The following AUTS2 variants were observed in gnomAD, a reference collection of about 807,000 sequenced individuals.
AUTS2 encodes activator of transcription and developmental regulator AUTS2.
AUTS2 carries 17 observed loss-of-function variants against 112.4 expected under a neutral mutation model. The ratio of observed to expected loss-of-function variants is 0.15; its 90% CI spans 0.10 to 0.23. AUTS2 has a LOEUF of 0.23. Ranked by LOEUF, AUTS2 falls within the 10% of genes least tolerant of loss-of-function variation. The pLI is 1.00. For missense variants in AUTS2, 1,510 were observed against 1,701.6 expected, an observed-to-expected ratio of 0.89 and a Z score of 1.98; for synonymous variants, 751 against 702.7, an observed-to-expected ratio of 1.07 and a Z score of -1.09.
intron 5 of AUTS2, among the ~76,000 whole-genome samples, chr7:70,503,910 T>G (rs1362006599): frequency 6.6e-6 from 1 of 151,584 alleles, no homozygotes; most frequent in Non-Finnish European, 1.5e-5. Flanking sequence ...AATGCAGCAT[T>G]ACTTTGGTTT....
At chr7:70,325,497 A>T (rs1488955776) in intron 4 of AUTS2, among the ~76,000 whole-genome samples, 1 of 152,248 alleles carries the variant, frequency 6.6e-6, no homozygotes, top group East Asian at 1.9e-4. Flanking sequence ...TGTCCTAGAT[A>T]TGGGCGTCAC....
chr7:69,786,872 AGT>A (rs997019447), intron 1 of AUTS2, among the ~76,000 whole-genome samples: 5 of 152,214 alleles, frequency 3.3e-5, no homozygotes, highest in African/African-American at 1.2e-4. Context: ...TACTACACTT[AGT>A]GTGTGTATTG....
intron 2 of AUTS2, among the ~76,000 whole-genome samples, chr7:69,916,697 C>T (rs1478285550): frequency 6.6e-6 from 1 of 152,176 alleles, no homozygotes; most frequent in Non-Finnish European, 1.5e-5. Flanking sequence ...CTCTTCCCCT[C>T]TTCCCCCCAT....
intron 5 of AUTS2, among the ~76,000 whole-genome samples, chr7:70,442,764 A>G (rs1239718808): frequency 2.0e-5 from 3 of 152,194 alleles, no homozygotes; most frequent in African/African-American, 7.2e-5. Flanking sequence ...TTGGGATGAC[A>G]GTCATGAGCC....
chr7:70,565,448 G>A (rs1801668878), intron 5 of AUTS2, among the ~76,000 whole-genome samples: 2 of 152,200 alleles, frequency 1.3e-5, no homozygotes, highest in Non-Finnish European at 2.9e-5. Context: ...GGAGGCCAAG[G>A]TGAGAGGATT....
At chr7:70,363,831 A>T (rs1792403751) in intron 4 of AUTS2, among the ~76,000 whole-genome samples, 1 of 151,790 alleles carries the variant, frequency 6.6e-6, no homozygotes, top group Non-Finnish European at 1.5e-5. Context: ...GCTTCTTTGA[A>T]CTCCTCCTTC....
chr7:70,336,745 A>C (rs1476610749), intron 4 of AUTS2, among the ~76,000 whole-genome samples: 1 of 151,952 alleles, frequency 6.6e-6, no homozygotes, highest in East Asian at 1.9e-4. Flanking sequence ...TGGCTTTTGC[A>C]GGGACGCTTG....
At chr7:70,211,403 A>C (rs1044986214) in intron 4 of AUTS2, among the ~76,000 whole-genome samples, 1 of 150,772 alleles carries the variant, frequency 6.6e-6, no homozygotes, top group Non-Finnish European at 1.5e-5. Flanking sequence ...TAATCCCAGC[A>C]CTTTGGGAGG....
chr7:70,373,614 T>C (rs1045266768), intron 4 of AUTS2, among the ~76,000 whole-genome samples: 2 of 152,204 alleles, frequency 1.3e-5, no homozygotes, highest in Non-Finnish European at 2.9e-5. Context: ...CGTGACTGCT[T>C]CTAGGCATGG....
At position 70,141,137 on chromosome 7, in the gene AUTS2, AG is replaced by A. The variant is rs562333184; in HGVS notation, c.660+6571del. ...AGAAAGGGTGGAACAAGTTTGAGGCAGGGGGAGCAACAAAGACAAGAATACA... is the reference window on the plus strand; with the variant it reads ...AGAAAGGGTGGAACAAGTTTGAGGCAGGGGAGCAACAAAGACAAGAATACA... On this transcript the variant is annotated intron_variant, in intron 4 of 18. Transcript: ENST00000342771. Among the ~76,000 whole-genome samples, 294 of 151,390 alleles carry A rather than the reference AG, an allele frequency of 1.9e-3. 2 individuals carry two copies. Among genetic ancestry groups the A allele is most frequent in the Middle Eastern group, 6.8e-3 (2 of 294 alleles).
At chr7:70,789,652 GTCC>G in intron 18 of AUTS2, 93 bp from the exon 19 acceptor site, 1 of 1,439,100 alleles carries the variant, frequency 6.9e-7, no homozygotes, top group Non-Finnish European at 9.5e-7. Context: ...CCCCCAGCCT[GTCC>G]TCTTCACACC....
At chr7:70,488,788 A>G in intron 5 of AUTS2, among the ~76,000 whole-genome samples, 1 of 152,174 alleles carries the variant, frequency 6.6e-6, no homozygotes, top group East Asian at 1.9e-4. Context: ...TCAGGGAAGA[A>G]GGAAGCACTG....
chr7:70,783,656 A>C (rs1208565238), intron 15 of AUTS2: 1 of 152,228 alleles, frequency 6.6e-6, no homozygotes, highest in African/African-American at 2.4e-5. Context: ...ATTCTGCCCA[A>C]AATAGTTATT....
chr7:70,309,266 T>C (rs537128503), intron 4 of AUTS2, among the ~76,000 whole-genome samples: 57 of 152,370 alleles, frequency 3.7e-4, no homozygotes, highest in South Asian at 2.3e-3. Context: ...CTCAGACTTC[T>C]AGGCCAGAGT....
At chr7:70,149,739 A>G (rs1807326324) in intron 4 of AUTS2, among the ~76,000 whole-genome samples, 1 of 152,090 alleles carries the variant, frequency 6.6e-6, no homozygotes, top group Admixed American at 6.5e-5. Flanking sequence ...GAAATGGTGT[A>G]ACTATCCAAT....
intron 1 of AUTS2, among the ~76,000 whole-genome samples, chr7:69,647,670 T>A (rs1795087411): frequency 6.6e-6 from 1 of 152,238 alleles, no homozygotes; most frequent in Non-Finnish European, 1.5e-5. Context: ...TCAGTGCCAC[T>A]CTTAATAGAA....
At chr7:69,650,064 G>A (rs546666268) in intron 1 of AUTS2, among the ~76,000 whole-genome samples, 2 of 152,304 alleles carry the variant, frequency 1.3e-5, no homozygotes, top group Admixed American at 1.3e-4. Context: ...AGAGCTATGG[G>A]AATGGGTAGG....
chr7:70,038,854 G>T (rs1050523083), intron 2 of AUTS2, among the ~76,000 whole-genome samples: 3 of 152,050 alleles, frequency 2.0e-5, no homozygotes, highest in Non-Finnish European at 4.4e-5. Context: ...TGCCTCCCGG[G>T]TTCAAACAAT....
intron 2 of AUTS2, among the ~76,000 whole-genome samples, chr7:69,968,754 C>T (rs1279488231): frequency 1.3e-5 from 2 of 152,040 alleles, no homozygotes; most frequent in Non-Finnish European, 2.9e-5. Context: ...CTTTATACTC[C>T]TTATGATTAT....
Sources: gnomAD v4.1 joint callset for allele counts (sites outside exome capture counted in the v4.1 genomes callset) on GRCh38, gnomAD v4.1.1 for gene constraint, MANE v1.5 for transcripts, NCBI Gene and HGNC (gene_info 2026-07-23, HGNC 2026-07-21) for gene names.